VPS53: variants seen among roughly 807,000 people sequenced by gnomAD.
VPS53 encodes vacuolar protein sorting-associated protein 53 homolog.
A neutral mutation model predicts 107.0 loss-of-function variants in VPS53; 70 were observed. The ratio of observed to expected loss-of-function variants is 0.65; its 90% CI spans 0.54 to 0.80. The LOEUF is 0.80. Ranked by LOEUF, VPS53 falls within the 30% of genes least tolerant of loss-of-function variation. The pLI is 0.00. For synonymous variants in VPS53, 409 were observed against 393.3 expected, an observed-to-expected ratio of 1.04 and a Z score of -0.47; for missense variants, 917 against 1,049.4, an observed-to-expected ratio of 0.87 and a Z score of 1.74.
chr17:560,660 A>AG, intron 14 of VPS53, 87 bp from the exon 15 acceptor site: 1 of 1,498,802 alleles, frequency 6.7e-7, no homozygotes, highest in Non-Finnish European at 9.0e-7. Context: ...GATACAGAAA[A>AG]GGGGGAAGTA....
intron 17 of VPS53, among the ~76,000 whole-genome samples, chr17:543,783 AGAAGGAAGGAAG>A (rs1195835497): frequency 4.6e-5 from 2 of 43,174 alleles, no homozygotes; most frequent in African/African-American, 4.4e-4. Flanking sequence ...TATGAAGAAG[AGAAGGAAGGAAG>A]GAAGGAAGGA....
At chr17:567,081 A>T (rs1310042108) in intron 13 of VPS53, among the ~76,000 whole-genome samples, 1 of 152,152 alleles carries the variant, frequency 6.6e-6, no homozygotes, top group African/African-American at 2.4e-5. Flanking sequence ...CCAACGCGCC[A>T]GCCAACTCTG....
chr17:660,572 C>CG (rs1971398493), intron 5 of VPS53, among the ~76,000 whole-genome samples: 1 of 152,154 alleles, frequency 6.6e-6, no homozygotes, highest in South Asian at 2.1e-4. Context: ...AAAGCAGCAT[C>CG]GGATACTCTC....
chr17:605,181 C>T (rs1968508672), intron 11 of VPS53, among the ~76,000 whole-genome samples: 2 of 152,154 alleles, frequency 1.3e-5, no homozygotes, highest in Non-Finnish European at 2.9e-5. Context: ...ATCCACTCTG[C>T]TCCAGGCACT....
At chr17:580,029 C>T (rs536014536) in intron 13 of VPS53, among the ~76,000 whole-genome samples, 1 of 151,734 alleles carries the variant, frequency 6.6e-6, no homozygotes, top group South Asian at 2.1e-4. Context: ...GAGAACCTCC[C>T]TCAGAACCTC....
At chr17:687,285 CAA>C (rs34025882) in intron 4 of VPS53, among the ~76,000 whole-genome samples, 8 of 139,586 alleles carry the variant, frequency 5.7e-5, no homozygotes, top group Non-Finnish European at 4.6e-5. Flanking sequence ...GACTCCAGCT[CAA>C]AAAAAAAAAG....
intron 17 of VPS53, among the ~76,000 whole-genome samples, chr17:547,860 C>T (rs1475057125): frequency 1.3e-5 from 2 of 152,052 alleles, no homozygotes; most frequent in Non-Finnish European, 2.9e-5. Flanking sequence ...GAACTCCTAA[C>T]CTCAGATGAT....
chr17:559,023 T>C (rs1487928085), intron 15 of VPS53, among the ~76,000 whole-genome samples: 2 of 152,134 alleles, frequency 1.3e-5, no homozygotes, highest in Non-Finnish European at 2.9e-5. Flanking sequence ...AAATAATTTA[T>C]GGTATAGTCC....
At chr17:630,738 T>C (rs1969923871) in intron 8 of VPS53, among the ~76,000 whole-genome samples, 1 of 152,190 alleles carries the variant, frequency 6.6e-6, no homozygotes. Flanking sequence ...GCAGGAAATG[T>C]TCCTTGGATC....
chr17:672,138 A>T (rs1160051643), intron 4 of VPS53, among the ~76,000 whole-genome samples: 6 of 148,180 alleles, frequency 4.0e-5, no homozygotes, highest in Non-Finnish European at 7.5e-5. Context: ...ACACACACAC[A>T]CACACACACA....
At chr17:522,673 T>C (rs1908841142) in intron 19 of VPS53, among the ~76,000 whole-genome samples, 1 of 152,246 alleles carries the variant, frequency 6.6e-6, no homozygotes, top group South Asian at 2.1e-4. Context: ...TTACTGAGGA[T>C]GTAGGAGATT....
chr17:589,029 C>A (rs1361672142), intron 12 of VPS53, among the ~76,000 whole-genome samples: 5 of 152,126 alleles, frequency 3.3e-5, no homozygotes, highest in African/African-American at 1.2e-4. Flanking sequence ...ATGGCTACTA[C>A]AAACAGATAT....
At position 520,727 on chromosome 17, in the gene VPS53, C is replaced by CAGCAGTAAGCAGCAGGGAAA. The variant is rs141309995; in HGVS notation, c.2224-817_2224-798dup. On this transcript the variant is annotated intron_variant, in intron 20 of 21. Coordinates refer to ENST00000437048, the MANE Select transcript of VPS53 (RefSeq NM_001128159.3). This position sits in a 1 kb window ranked among gnomAD's most constrained non-coding sequence, Gnocchi z 4.4. ...TTCCCAGACCACAGGCTCTCCTCCCCAGCAGTAAGCAGCAGGGAAAGAACA... is the reference window on the plus strand; with the variant it reads ...TTCCCAGACCACAGGCTCTCCTCCCCAGCAGTAAGCAGCAGGGAAAAGCAGTAAGCAGCAGGGAAAGAACA... Among the ~76,000 whole-genome samples the CAGCAGTAAGCAGCAGGGAAA allele has an allele frequency of 0.024, 3,601 of 152,150 alleles. 51 individuals carry two copies. The highest frequency in any genetic ancestry group is 0.067 in the East Asian group (346 of 5,160).
intron 13 of VPS53, among the ~76,000 whole-genome samples, chr17:566,466 G>A (rs550894159): frequency 1.3e-5 from 2 of 152,202 alleles, no homozygotes; most frequent in African/African-American, 4.8e-5. Flanking sequence ...TGCTGCCCCC[G>A]GCCCGCCCGT....
At chr17:521,967 CAG>C (rs1338275749) in intron 19 of VPS53, among the ~76,000 whole-genome samples, 2 of 152,082 alleles carry the variant, frequency 1.3e-5, no homozygotes, top group South Asian at 4.1e-4. Context: ...AAAACTAAAT[CAG>C]GGGGCCAGGA....
At chr17:654,021 C>T (rs1384973919) in intron 6 of VPS53, among the ~76,000 whole-genome samples, 1 of 152,138 alleles carries the variant, frequency 6.6e-6, no homozygotes, top group East Asian at 1.9e-4. Context: ...CGGTGAAACA[C>T]CGTCTCTACT....
chr17:509,145 CAT>C lies in VPS53; in HGVS notation c.*9981_*9982del, dbSNP rs1246040900. ...ATCCTGTCTCACCCCTCACCAGTCA[CAT>C]ATCAAATCCTGCCTCACCCCCTTAC... On this transcript the variant is annotated 3_prime_UTR_variant, in exon 22 of 22. Transcript: ENST00000437048. 1.3e-5 allele frequency: 2 copies of C among 150,278 alleles called. No homozygotes were observed. The highest frequency in any genetic ancestry group is 5.0e-5 in the African/African-American group (2 of 39,782). The allele number at this position is 150,278 out of a possible 1,614,324, so 9.3% of individuals were successfully genotyped here. A position where few individuals can be genotyped will look rare whatever the true frequency, so the allele number is the denominator to read the frequency against.
chr17:637,049 G>C (rs1970227764), intron 7 of VPS53, among the ~76,000 whole-genome samples: 3 of 152,110 alleles, frequency 2.0e-5, no homozygotes, highest in Admixed American at 6.6e-5. Context: ...TCTGGTCCTG[G>C]ACTTTTTTTG....
intron 7 of VPS53, among the ~76,000 whole-genome samples, chr17:642,662 G>C (rs527352895): frequency 7.7e-5 from 10 of 129,186 alleles, no homozygotes; most frequent in South Asian, 2.6e-4. Context: ...TACTTGGAAA[G>C]CGAGGACAAC....
Sources: gnomAD v4.1 joint callset for allele counts (sites outside exome capture counted in the v4.1 genomes callset) on GRCh38, gnomAD v4.1.1 for gene constraint, Gnocchi (gnomAD v3.1) non-coding constraint, MANE v1.5 for transcripts, NCBI Gene and HGNC (gene_info 2026-07-23, HGNC 2026-07-21) for gene names.